ASXL2: variants seen among roughly 807,000 people sequenced by gnomAD.
The protein encoded by ASXL2 is putative Polycomb group protein ASXL2.
Under a neutral mutation model 122.0 loss-of-function variants are expected in ASXL2, and 23 were observed. The ratio of observed to expected loss-of-function variants is 0.19; its 90% CI spans 0.14 to 0.27. The LOEUF is 0.27. ASXL2 is among the 10% of genes least tolerant of loss of function. The pLI is 1.00. For missense variants in ASXL2, 1,518 were observed against 1,713.8 expected (o/e 0.89, Z 2.02); for synonymous variants, 650 against 637.0 (o/e 1.02, Z -0.31).
chr2:25,735,104 C>A lies in ASXL2; in HGVS notation c.*6925G>T. ...TTCAGGAAAACCCACTATTTAGCCA[C>A]AGCCCATCTCCAAGTTGATCCTTTC... On this transcript the variant is annotated 3_prime_UTR_variant, in exon 13 of 13. Transcript: ENST00000435504. 1 of 152,204 alleles carries A rather than the reference C, an allele frequency of 6.6e-6. No homozygotes were observed. The highest frequency in any genetic ancestry group is 3.2e-3 in the Middle Eastern group (1 of 316). The allele number at this position is 152,204 out of a possible 1,614,324, so 9.4% of individuals were successfully genotyped here.
rs1388319709 is a variant in ASXL2, at chr2:25,749,980, T to C, written c.1576A>G (p.Ser526Gly). Residue 526 changes from serine to glycine, a missense_variant, in exon 12 of 13, where the codon AGC becomes GGC. Around this residue, in one of 8 missense-constraint regions of ASXL2, gnomAD observed 292 missense variants for 293.5 expected, o/e 1.00. Transcript: ENST00000435504. ...TCAACCCCAGGACTCTTGGGTTTGC[T>C]TGGCGATGTAACTAAAGATTCTTGG... ...ESQESLVTSP[S>G]KPKSPGVEKP... 1 of 1,614,026 alleles carries C rather than the reference T, an allele frequency of 6.2e-7. No individual in the cohort carries two copies. The highest frequency in any genetic ancestry group is 8.5e-7 in the Non-Finnish European group (1 of 1,179,890).
chr2:25,749,649 T>A, intron 12 of ASXL2, 47 bp downstream of exon 12: 2 of 1,423,598 alleles, frequency 1.4e-6, no homozygotes, highest in Non-Finnish European at 1.9e-6. Flanking sequence ...ACCAAAAACA[T>A]AGGGTTCAGA....
In ASXL2 at chr2:25,753,524, C is replaced by A. The variant is rs756318648; in HGVS notation, c.1142+10G>T. 5 of 1,605,890 alleles carry A rather than the reference C, an allele frequency of 3.1e-6. No homozygotes were observed. Among genetic ancestry groups the A allele is most frequent in the Non-Finnish European group, 4.3e-6 (5 of 1,173,792 alleles). ...TAACATTTGGTTTATAGAACCTGTCCTAATATTACCTCTGCCCATAGTAGC... is the reference window on the plus strand; with the variant it reads ...TAACATTTGGTTTATAGAACCTGTCATAATATTACCTCTGCCCATAGTAGC... On this transcript the variant is annotated intron_variant, in intron 11 of 12. Coordinates refer to ENST00000435504, the MANE Select transcript of ASXL2 (RefSeq NM_018263.6).
intron 3 of ASXL2, among the ~76,000 whole-genome samples, chr2:25,807,199 G>C (rs904602472): frequency 6.6e-6 from 1 of 152,100 alleles, no homozygotes; most frequent in African/African-American, 2.4e-5. Context: ...AATACCTGAG[G>C]TTTAAGGCAG....
intron 1 of ASXL2, among the ~76,000 whole-genome samples, chr2:25,854,388 T>A (rs1026693429): frequency 6.6e-6 from 1 of 152,070 alleles, no homozygotes; most frequent in Non-Finnish European, 1.5e-5. Flanking sequence ...TATCAGCCCA[T>A]TTTTTTTCAG....
At chr2:25,861,529 A>G (rs1039411464) in intron 1 of ASXL2, among the ~76,000 whole-genome samples, 1 of 152,256 alleles carries the variant, frequency 6.6e-6, no homozygotes, top group African/African-American at 2.4e-5. Context: ...TGAACTCCAC[A>G]AAATACTTAA....
intron 2 of ASXL2, among the ~76,000 whole-genome samples, chr2:25,843,075 C>T (rs1480864891): frequency 7.3e-5 from 11 of 151,068 alleles, no homozygotes; most frequent in Non-Finnish European, 1.5e-5. Flanking sequence ...CCAAGGCGGG[C>T]GGATCACAAG....
intron 1 of ASXL2, among the ~76,000 whole-genome samples, chr2:25,848,953 G>A (rs2089683138): frequency 6.7e-6 from 1 of 149,984 alleles, no homozygotes; most frequent in East Asian, 2.0e-4. Flanking sequence ...GGCTGAGGCA[G>A]GAAAACCGCT....
chr2:25,766,779 G>C (rs867070866), intron 8 of ASXL2, among the ~76,000 whole-genome samples: 9 of 152,126 alleles, frequency 5.9e-5, no homozygotes, highest in Non-Finnish European at 1.3e-4. Flanking sequence ...TCTGCCCCCA[G>C]CTATGTTTGA....
intron 5 of ASXL2, among the ~76,000 whole-genome samples, chr2:25,797,160 G>A (rs183900551): frequency 2.0e-4 from 30 of 152,242 alleles, no homozygotes; most frequent in African/African-American, 4.3e-4. Flanking sequence ...CAGGTGCGGC[G>A]GGCTGGATGG....
In ASXL2 at chr2:25,848,256, T is replaced by G. The variant is rs558728402; in HGVS notation, c.58-2693A>C. ...GTAAAAATTAATACTTTCTAATATA[T>G]TCTGCAAAACAAGGAATTAAGTTAT... On this transcript the variant is annotated intron_variant, in intron 1 of 12. Transcript: ENST00000435504. Among the ~76,000 whole-genome samples the G allele has an allele frequency of 2.0e-3, 303 of 152,362 alleles. 1 individual carries two copies. Among genetic ancestry groups the G allele is most frequent in the African/African-American group, 7.0e-3 (290 of 41,590 alleles).
chr2:25,832,504 C>G (rs894653022), intron 3 of ASXL2, among the ~76,000 whole-genome samples: 4 of 151,450 alleles, frequency 2.6e-5, no homozygotes, highest in African/African-American at 9.7e-5. Context: ...ACTCACCTAT[C>G]AACAATTACT....
chr2:25,809,329 T>C (rs2089132186), intron 3 of ASXL2, among the ~76,000 whole-genome samples: 1 of 152,042 alleles, frequency 6.6e-6, no homozygotes, highest in South Asian at 2.1e-4. Context: ...TGTCCAAAGA[T>C]ATCTTAAAGC....
Position 25,743,761 on chromosome 2 carries a change from G to A in ASXL2, c.2576C>T (p.Ala859Val). The A allele has an allele frequency of 6.2e-7, 1 of 1,614,042 alleles. No individual in the cohort carries two copies. ...CAADGTVELK[A>V]GPSKNIPNPS... ...GTTAGGTATATTCTTACTAGGACCT[G>A]CTTTGAGCTCAACTGTGCCATCAGC... Residue 859 changes from alanine (A) to valine (V), a missense_variant, in exon 13 of 13, where the codon GCA becomes GTA. Physicochemically the swap from Ala to Val is moderately conservative, Grantham distance 64. Coordinates refer to ENST00000435504, the MANE Select transcript of ASXL2 (RefSeq NM_018263.6).
At position 25,750,298 on chromosome 2, in the gene ASXL2, T is replaced by G; in HGVS notation, c.1258A>C (p.Ile420Leu). Residue 420 changes from isoleucine to leucine, a missense_variant, in exon 12 of 13, where the codon ATC becomes CTC. Physicochemically the swap from Ile to Leu is conservative, Grantham distance 5. Around this residue, in one of 8 missense-constraint regions of ASXL2, gnomAD observed 292 missense variants for 293.5 expected, o/e 1.00. Coordinates refer to ENST00000435504, the MANE Select transcript of ASXL2 (RefSeq NM_018263.6). ...TGGGAGACTACTGGAACTATTCTGA[T>G]AAGAGAGGCCTCTGACACAGGCATG... The part of the protein sequence containing the change: ...KSMPVSEASL[I>L]RIVPVVSQSE... 6.2e-7 allele frequency: 1 copy of G among 1,614,016 alleles called. No individual in the cohort carries two copies.
chr2:25,815,364 A>G (rs2089220467), intron 3 of ASXL2, among the ~76,000 whole-genome samples: 1 of 151,878 alleles, frequency 6.6e-6, no homozygotes, highest in Admixed American at 6.6e-5. Context: ...ACTTGGCCCA[A>G]CACTTCTGCT....
rs755954518 is a variant in ASXL2 at position 25,742,270 on chromosome 2, T to C, written c.4067A>G (p.Asp1356Gly). Residue 1356 changes from aspartate to glycine, a missense_variant, in exon 13 of 13, where the codon GAT (aspartate) becomes GGT (glycine). Physicochemically the swap from Asp to Gly is moderately conservative, Grantham distance 94. Around this residue, in one of 8 missense-constraint regions of ASXL2, gnomAD observed 831 missense variants for 833.1 expected, o/e 1.00. Transcript: ENST00000435504. ...PGSQVSSNVG[D>G]VMSFSVTVTT... ...GACAGTCACTGAAAATGACATGACA[T>C]CACCTACATTGCTAGATACCTGGCT... 1.2e-6 allele frequency: 2 copies of C among 1,613,898 alleles called. No homozygotes were observed. Among genetic ancestry groups the C allele is most frequent in the East Asian group, 2.2e-5 (1 of 44,876 alleles).
intron 10 of ASXL2, 42 bp from the exon 11 acceptor site, chr2:25,753,681 A>G (rs1288030190): frequency 1.4e-5 from 20 of 1,393,470 alleles, no homozygotes; most frequent in Non-Finnish European, 2.0e-5. Flanking sequence ...GAAAAATGCT[A>G]TTTGCAACAT....
chr2:25,792,600 A>T (rs1245647759), intron 5 of ASXL2, among the ~76,000 whole-genome samples: 1 of 151,894 alleles, frequency 6.6e-6, no homozygotes. Flanking sequence ...CTAGTAAATA[A>T]TTTTTTTCTT....
Sources: gnomAD v4.1 joint callset for allele counts (sites outside exome capture counted in the v4.1 genomes callset) on GRCh38, gnomAD v4.1.1 for gene constraint, gnomAD v4.1.1 regional missense constraint, MANE v1.5 for transcripts, NCBI Gene and HGNC (gene_info 2026-07-23, HGNC 2026-07-21) for gene names.